The following TENM1 variants were observed in gnomAD, a reference collection of about 807,000 sequenced individuals.
The protein encoded by TENM1 is teneurin-1.
In TENM1, 35 loss-of-function variants were observed where a neutral mutation model predicts 174.8. That is an observed-to-expected ratio of 0.20 (90% CI 0.15 to 0.27). TENM1 has a LOEUF of 0.27. TENM1 is among the 10% of genes least tolerant of loss of function. TENM1 has a pLI of 1.00. For synonymous variants in TENM1, 781 were observed against 798.7 expected (o/e 0.98, Z 0.37); for missense variants, 1,633 against 2,130.1 (o/e 0.77, Z 4.59).
chrX:124,871,623 T>C (rs1372023799), intron 3 of TENM1, among the ~76,000 whole-genome samples: 1 of 111,996 alleles, frequency 8.9e-6, no homozygotes, highest in African/African-American at 3.2e-5. Context: ...AGAGAAGTCT[T>C]GGCTGAGAAA....
intron 1 of TENM1, among the ~76,000 whole-genome samples, chrX:124,939,686 C>T (rs1258059241): frequency 9.0e-6 from 1 of 111,247 alleles, no homozygotes; most frequent in Non-Finnish European, 1.9e-5. Flanking sequence ...AAGATCCACT[C>T]ACAGCGGCCC....
rs150514826 is a variant in TENM1 at position 124,802,397 on chromosome X, T to C, written c.536-65200A>G. Among the ~76,000 whole-genome samples the C allele has an allele frequency of 1.6e-3, 184 of 111,527 alleles. 1 individual carries two copies. The highest frequency in any genetic ancestry group is 5.8e-3 in the African/African-American group (178 of 30,643). On this transcript the variant is annotated intron_variant, in intron 3 of 31. Transcript: ENST00000422452. The stretch of plus-strand genomic sequence containing the variant: ...GCTGCCGCAGTTTGCTGGGGGTTCA[T>C]TTCAGGCCCTATTCATCTGGTTCAC...
intron 11 of TENM1, among the ~76,000 whole-genome samples, chrX:124,613,646 T>C (rs1279492098): frequency 9.0e-6 from 1 of 111,520 alleles, no homozygotes; most frequent in African/African-American, 3.3e-5. Flanking sequence ...CTTGGTAATA[T>C]CTCATTTGAT....
chrX:124,677,698 G>T (rs1344240895), intron 5 of TENM1, among the ~76,000 whole-genome samples: 1 of 111,307 alleles, frequency 9.0e-6, no homozygotes, highest in Non-Finnish European at 1.9e-5. Flanking sequence ...TCCTTTATAA[G>T]AATTAAAAGG....
In TENM1 at chrX:124,539,263, T is replaced by C. The variant is rs764828018; in HGVS notation, c.2651+7611A>G. 4.5e-5 allele frequency among the ~76,000 whole-genome samples: 5 copies of C among 111,777 alleles called. No individual in the cohort carries two copies. In the South Asian group the frequency reaches 1.5e-3, roughly 34 times the overall value. ...ACATTTATACCAAGATCATCTAATA[T>C]ACAGATGAATGCTATTCAGGGTTCT... On this transcript the variant is annotated intron_variant, in intron 15 of 31. Coordinates refer to ENST00000422452, the Ensembl canonical transcript of TENM1.
chrX:124,671,875 C>T (rs952312397), intron 5 of TENM1, 40 bp from the exon 9 acceptor site: 3 of 1,179,814 alleles, frequency 2.5e-6, no homozygotes, highest in Non-Finnish European at 3.4e-6. Context: ...ATTCCAGACT[C>T]ACTGAGAACA....
the TENM1 span, among the ~76,000 whole-genome samples, chrX:125,133,672 T>C: frequency 8.9e-6 from 1 of 111,993 alleles, no homozygotes; most frequent in South Asian, 3.7e-4. Flanking sequence ...GTGTTTACAC[T>C]ATGTAGAAAT....
intron 3 of TENM1, among the ~76,000 whole-genome samples, chrX:124,788,147 C>T (rs1302874463): frequency 1.8e-5 from 2 of 111,513 alleles, no homozygotes; most frequent in Non-Finnish European, 3.8e-5. Flanking sequence ...TCCCACAACA[C>T]GTGGGAATTA....
chrX:124,454,956 CACAA>C (rs1199008330), intron 22 of TENM1, among the ~76,000 whole-genome samples: 6 of 112,015 alleles, frequency 5.4e-5, no homozygotes. Flanking sequence ...CAACACAACA[CACAA>C]ACACACACAC....
At chrX:124,705,898 G>A (rs949044158) in intron 4 of TENM1, among the ~76,000 whole-genome samples, 2 of 110,836 alleles carry the variant, frequency 1.8e-5, no homozygotes, top group African/African-American at 6.6e-5. Flanking sequence ...GTTTCTGTTT[G>A]TTTGTTTGTT....
chrX:125,125,246 C>A, the TENM1 span, among the ~76,000 whole-genome samples: 5 of 112,021 alleles, frequency 4.5e-5, no homozygotes, highest in African/African-American at 1.6e-4. Context: ...ATGACCTCAT[C>A]AGGTTTGGCT....
intron 20 of TENM1, among the ~76,000 whole-genome samples, chrX:124,488,301 A>G (rs1203283668): frequency 2.7e-5 from 3 of 112,601 alleles, no homozygotes; most frequent in African/African-American, 9.7e-5. Flanking sequence ...TGTCATTTTG[A>G]AAACATAGAG....
At chrX:124,734,791 G>T (rs1465150073) in intron 4 of TENM1, among the ~76,000 whole-genome samples, 1 of 111,939 alleles carries the variant, frequency 8.9e-6, no homozygotes, top group East Asian at 2.8e-4. Flanking sequence ...CCAGAGATCA[G>T]ATTAGAAGGT....
the TENM1 span, among the ~76,000 whole-genome samples, chrX:125,008,795 C>T: frequency 1.8e-5 from 2 of 111,543 alleles, no homozygotes; most frequent in South Asian, 7.5e-4. Flanking sequence ...GGGTAAATAA[C>T]AAAATTAAGG....
At chrX:124,738,294 T>A (rs1029940668) in intron 3 of TENM1, among the ~76,000 whole-genome samples, 1 of 111,690 alleles carries the variant, frequency 9.0e-6, no homozygotes, top group African/African-American at 3.3e-5. Context: ...CTCAGCTGGT[T>A]TGTGCTGAGG....
chrX:125,150,113 G>GA, the TENM1 span, among the ~76,000 whole-genome samples: 8 of 111,472 alleles, frequency 7.2e-5, no homozygotes, highest in African/African-American at 2.6e-4. Context: ...AAAGAATGAA[G>GA]AAAAAAAGAA....
At chrX:124,678,192 G>A (rs1328909121) in intron 5 of TENM1, among the ~76,000 whole-genome samples, 2 of 110,962 alleles carry the variant, frequency 1.8e-5, no homozygotes, top group Non-Finnish European at 3.8e-5. Flanking sequence ...GGCTTTTTGG[G>A]CCAGAGAGCT....
upstream of TENM1, chrX:124,963,898 T>A: frequency 2.0e-6 from 1 of 491,612 alleles, no homozygotes; most frequent in Non-Finnish European, 3.4e-6. Context: ...TCACAATTGG[T>A]CCTGATAATA....
At chrX:124,844,109 T>C (rs1360984213) in intron 3 of TENM1, among the ~76,000 whole-genome samples, 3 of 111,456 alleles carry the variant, frequency 2.7e-5, no homozygotes, top group East Asian at 2.8e-4. Context: ...CATCTTTTTC[T>C]ACTTCAGTGC....
Sources: allele counts gnomAD v4.1 joint callset (sites outside exome capture counted in the v4.1 genomes callset), GRCh38; gene constraint gnomAD v4.1.1; transcripts MANE v1.5; gene names NCBI Gene and HGNC (gene_info 2026-07-23, HGNC 2026-07-21).